INPP5E: variants seen among roughly 807,000 people sequenced by gnomAD.
The protein encoded by INPP5E is phosphatidylinositol polyphosphate 5-phosphatase type IV.
Under a neutral mutation model 50.5 loss-of-function variants are expected in INPP5E, and 34 were observed. That is an observed-to-expected ratio of 0.67 (90% CI 0.51 to 0.90). The LOEUF is 0.90. Ranked by LOEUF, INPP5E falls within the 40% of genes least tolerant of loss-of-function variation. The pLI, the probability that INPP5E is intolerant of heterozygous loss-of-function variation, is 0.00. For missense variants in INPP5E, 942 were observed against 905.5 expected (o/e 1.04, Z -0.52); for synonymous variants, 447 against 406.0 (o/e 1.10, Z -1.21).
intron 1 of INPP5E, 67 bp from the exon 2 acceptor site, chr9:136,434,930 C>T: frequency 6.4e-7 from 1 of 1,550,912 alleles, no homozygotes; most frequent in Middle Eastern, 1.7e-4. Flanking sequence ...TGGGCCAGGT[C>T]CCCAGGGACA....
At chr9:136,430,159 T>C in intron 9 of INPP5E, 118 bp downstream of exon 9, 1 of 1,326,556 alleles carries the variant, frequency 7.5e-7, no homozygotes, top group East Asian at 2.5e-5. Context: ...AACACAGCCC[T>C]GAAGGTCCCA....
rs1257459341 is a variant in INPP5E at position 136,438,988 on chromosome 9, G to A, written c.432C>T (p.Arg144=). The A allele has an allele frequency of 6.3e-7, 1 of 1,584,938 alleles. No homozygotes were observed. Among genetic ancestry groups the A allele is most frequent in the South Asian group, 1.1e-5 (1 of 87,320 alleles). Residue 144 remains arginine (R), a synonymous_variant, in exon 1 of 10, where the codon CGC becomes CGT. Transcript: ENST00000371712. The part of the protein sequence containing the change: ...STSLQEIPKS[R]GVLSSERGSP... ...TCCCTCTCTCACTGCTCAGGACCCCGCGGGACTTGGGGATTTCCTGCAAGG... is the reference window on the plus strand; with the variant it reads ...TCCCTCTCTCACTGCTCAGGACCCCACGGGACTTGGGGATTTCCTGCAAGG...
Position 136,431,687 on chromosome 9 carries a change from CCA to C in INPP5E, c.1549+135_1549+136del. ...CCTCATCTCCCTCCACGCCCGCCCC[CCA>C]GGCCCTCACCTTTCCTCATCTCCCT... On this transcript the variant is annotated intron_variant, in intron 7 of 9. Transcript: ENST00000371712. 5 of 15,430 alleles carry C rather than the reference CCA, an allele frequency of 3.2e-4. 2 individuals are homozygous for C. The highest frequency in any genetic ancestry group is 5.0e-4 in the Non-Finnish European group (4 of 8,070). 1.0% of individuals were successfully genotyped at this position (15,430 alleles called of 1,614,324 possible). A position where few individuals can be genotyped will look rare whatever the true frequency, so the allele number is the denominator to read the frequency against.
intron 1 of INPP5E, 124 bp from the exon 2 acceptor site, chr9:136,434,987 A>G: frequency 8.2e-7 from 1 of 1,223,856 alleles, no homozygotes; most frequent in Non-Finnish European, 1.2e-6. Flanking sequence ...GCCCCAAGCA[A>G]GGACTCTCCT....
In INPP5E at chr9:136,428,672, T is replaced by C. The variant is rs950160674; in HGVS notation, c.*1003A>G. 38 of 152,410 alleles carry C rather than the reference T, an allele frequency of 2.5e-4. No homozygotes were observed. Among genetic ancestry groups the C allele is most frequent in the African/African-American group, 8.9e-4 (37 of 41,426 alleles). The allele number at this position is 152,410 out of a possible 1,614,324, so 9.4% of individuals were successfully genotyped here. On this transcript the variant is annotated 3_prime_UTR_variant, in exon 10 of 10. Transcript: ENST00000371712. ...AAAAATATAAATATGGAAAAATAATTTAAAAGACTAGATTGAATGTCCCTA... is the reference window on the plus strand; with the variant it reads ...AAAAATATAAATATGGAAAAATAATCTAAAAGACTAGATTGAATGTCCCTA...
At position 136,432,390 on chromosome 9, in the gene INPP5E, C is replaced by T. The variant is rs566904738; in HGVS notation, c.1387+89G>A. 77 of 844,428 alleles carry T rather than the reference C, an allele frequency of 9.1e-5. No individual in the cohort carries two copies. The Admixed American group carries it at 1.2e-3, about 13-fold the overall frequency. 52.3% of individuals were successfully genotyped at this position (844,428 alleles called of 1,614,324 possible). On this transcript the variant is annotated intron_variant, in intron 6 of 9. Coordinates refer to ENST00000371712, the MANE Select transcript of INPP5E (RefSeq NM_019892.6). Reference sequence around the variant, plus strand: ...GGCCCTCGCTTCCCAAAGCTCAGGACGCTGCCTCTTCAGAACTGCCCTAAA... The same window carrying T: ...GGCCCTCGCTTCCCAAAGCTCAGGATGCTGCCTCTTCAGAACTGCCCTAAA...
At position 136,429,826 on chromosome 9, in the gene INPP5E, C is replaced by A. The variant is rs764347779; in HGVS notation, c.1803-19G>T. 2.6e-5 allele frequency: 42 copies of A among 1,598,358 alleles called. No individual in the cohort carries two copies. The highest frequency in any genetic ancestry group is 3.6e-5 in the Non-Finnish European group (42 of 1,172,484). Reference sequence around the variant, plus strand: ...CGGAATGCTGTGGAGGAGGAGGGGGCGTTAGGAGGGCACCCAGGGCCAGGA... The same window carrying A: ...CGGAATGCTGTGGAGGAGGAGGGGGAGTTAGGAGGGCACCCAGGGCCAGGA... On this transcript the variant is annotated intron_variant, in intron 9 of 9. Transcript: ENST00000371712.
chr9:136,434,080 G>A lies in INPP5E; in HGVS notation c.991C>T (p.Gln331Ter). Reference protein sequence around the residue: ...FLLPAEADYAQDLYVIGVQEG... With the variant: ...FLLPAEADYA The stretch of plus-strand genomic sequence containing the variant: ...TGGACCCCGATGACATACAGGTCCT[G>A]GGCATAGTCGGCCTCGGCTGGGAGC... Residue 331 changes from glutamine (Q) to a stop codon, truncating the protein, a stop_gained, in exon 3 of 10, where the codon CAG becomes TAG. Coordinates refer to ENST00000371712, the MANE Select transcript of INPP5E (RefSeq NM_019892.6). LOFTEE classifies it high-confidence loss of function. 6.2e-7 allele frequency: 1 copy of A among 1,611,084 alleles called. No individual in the cohort carries two copies. Among genetic ancestry groups the A allele is most frequent in the African/African-American group, 1.3e-5 (1 of 75,040 alleles).
chr9:136,434,827 G>A lies in INPP5E; in HGVS notation c.849C>T (p.Ala283=). 1 of 1,610,016 alleles carries A rather than the reference G, an allele frequency of 6.2e-7. No individual in the cohort carries two copies. The highest frequency in any genetic ancestry group is 8.5e-7 in the Non-Finnish European group (1 of 1,179,044). The change falls in exon 2 of 10, where the codon GCC becomes GCT. Residue 283 remains alanine, a synonymous_variant. Coordinates refer to ENST00000371712, the MANE Select transcript of INPP5E (RefSeq NM_019892.6). ...GGGCCAGCTCATCCGCCCCCAACAG[G>A]GCCCCGCTGGCCAGGAGGCTGCCCT... The part of the protein sequence containing the change: ...YLEGSLLASG[A]LLGADELARY...
chr9:136,433,023 C>CT lies in INPP5E; in HGVS notation c.1211dup (p.Ala406GlyfsTer24). 2 of 1,613,798 alleles carry CT rather than the reference C, an allele frequency of 1.2e-6. No homozygotes were observed. ...AGGTGAAGCTGATGCCCAAGGCCCCCTTGGTCTTGATCTGAGACACGATGC... is the reference window on the plus strand; with the variant it reads ...AGGTGAAGCTGATGCCCAAGGCCCCCTTTGGTCTTGATCTGAGACACGATGC... On this transcript the variant is annotated frameshift_variant, in exon 5 of 10. Coordinates refer to ENST00000371712, the MANE Select transcript of INPP5E (RefSeq NM_019892.6). LOFTEE classifies it high-confidence loss of function.
At position 136,439,717 on chromosome 9, in the gene INPP5E, T is replaced by A; in HGVS notation, c.-298A>T. 3.7e-6 allele frequency: 1 copy of A among 268,900 alleles called. No homozygotes were observed. The highest frequency in any genetic ancestry group is 7.0e-6 in the Non-Finnish European group (1 of 143,800). 16.7% of individuals were successfully genotyped at this position (268,900 alleles called of 1,614,324 possible). Reference sequence around the variant, plus strand: ...GGTTCGACCCCGACGGGGACGCCGCTCGGGGAGAGGGGTGGGAAGCGGGCA... The same window carrying A: ...GGTTCGACCCCGACGGGGACGCCGCACGGGGAGAGGGGTGGGAAGCGGGCA... On this transcript the variant is annotated 5_prime_UTR_variant, in exon 1 of 10. Coordinates refer to ENST00000371712, the MANE Select transcript of INPP5E (RefSeq NM_019892.6).
At chr9:136,437,384 G>A (rs1835853792) in intron 1 of INPP5E, 1 of 152,290 alleles carries the variant, frequency 6.6e-6, no homozygotes, top group Admixed American at 6.5e-5. Flanking sequence ...TTTAGGGTAG[G>A]CAGTAAATTC....
rs150464071 is a variant in INPP5E at position 136,431,041 on chromosome 9, C to T, written c.1626G>A (p.Thr542=). 70 of 1,613,106 alleles carry T rather than the reference C, an allele frequency of 4.3e-5. No homozygotes were observed. Among genetic ancestry groups the T allele is most frequent in the Admixed American group, 6.7e-5 (4 of 59,958 alleles). The change falls in exon 8 of 10, where the codon ACG becomes ACA. Residue 542 remains threonine, a synonymous_variant. Transcript: ENST00000371712. ...PSYKFDIGKD[T]YDSTSKQRTP... is the part of the protein sequence containing the mutation. ...TCCTCTGCTTGGAGGTGCTGTCGTA[C>T]GTGTCCTTCCCGATGTCAAACTTGT... is the stretch of plus-strand genomic sequence containing the variant.
At chr9:136,433,341 C>A (rs956032038) in intron 3 of INPP5E, 62 bp from the exon 4 acceptor site, 46 of 1,526,342 alleles carry the variant, frequency 3.0e-5, no homozygotes, top group Non-Finnish European at 4.0e-5. Context: ...CACCCCCAGA[C>A]CTGCTGCCCA....
At position 136,432,601 on chromosome 9, in the gene INPP5E, A is replaced by C; in HGVS notation, c.1280-15T>G. The C allele has an allele frequency of 6.7e-7, 1 of 1,488,476 alleles. No homozygotes were observed. The highest frequency in any genetic ancestry group is 9.2e-7 in the Non-Finnish European group (1 of 1,092,170). 92.2% of individuals were successfully genotyped at this position (1,488,476 alleles called of 1,614,324 possible). ...CCCGTCACCTGCTGTGGGAACAGAA[A>C]TGGGGTAGGGACCACAGGGTTCCGG... On this transcript the variant is annotated splice_polypyrimidine_tract_variant and intron_variant, in intron 5 of 9. Coordinates refer to ENST00000371712, the MANE Select transcript of INPP5E (RefSeq NM_019892.6).
chr9:136,432,892 G>A (rs770977529), intron 5 of INPP5E, 64 bp downstream of exon 5: 1 of 1,583,802 alleles, frequency 6.3e-7, no homozygotes, highest in East Asian at 2.3e-5. Flanking sequence ...CTTGGACAGG[G>A]TCCCGGTCAG....
In INPP5E at chr9:136,433,232, A is replaced by G; in HGVS notation, c.1082T>C (p.Val361Ala). 1 of 1,589,026 alleles carries G rather than the reference A, an allele frequency of 6.3e-7. No homozygotes were observed. The highest frequency in any genetic ancestry group is 8.5e-7 in the Non-Finnish European group (1 of 1,173,152). ...RLQETLGPHY[V>A]LLSSAAHGVL... ...GCCGTGGGCCGCCGAGGACAGCAGC[A>G]CATAGTGCGGGCCCAGCGTCTCCTG... The change falls in exon 4 of 10, where the codon GTG (valine) becomes GCG (alanine). Residue 361 changes from valine to alanine, a missense_variant. By Grantham distance (64) the Val-to-Ala change is moderately conservative (BLOSUM62 0). Transcript: ENST00000371712.
At chr9:136,429,940 C>A (rs931297186) in intron 9 of INPP5E, 133 bp from the exon 10 acceptor site, 2 of 746,974 alleles carry the variant, frequency 2.7e-6, no homozygotes, top group Non-Finnish European at 2.3e-6. Flanking sequence ...TAGGTGGGCA[C>A]TGGCCCAGAT....
intron 1 of INPP5E, chr9:136,437,869 T>A (rs1209874044): frequency 6.5e-6 from 1 of 152,778 alleles, no homozygotes; most frequent in Non-Finnish European, 1.5e-5. Flanking sequence ...AAGACCAGGC[T>A]TGGGAGAGGT....
Sources: gnomAD v4.1 joint callset for allele counts on GRCh38, gnomAD v4.1.1 for gene constraint, MANE v1.5 for transcripts, NCBI Gene and HGNC (gene_info 2026-07-23, HGNC 2026-07-21) for gene names.